SLC39A14: variants seen among roughly 807,000 people sequenced by gnomAD.
SLC39A14 encodes the protein solute carrier family 39 member 14.
A neutral mutation model predicts 45.5 loss-of-function variants in SLC39A14; 19 were observed. The observed-to-expected ratio is 0.42, with a 90% CI of 0.29 to 0.61. The LOEUF is 0.61. Ranked by LOEUF, SLC39A14 falls within the 20% of genes least tolerant of loss-of-function variation. The probability of loss-of-function intolerance (pLI) is 0.22; values close to 1 mark genes in which losing one functional copy is unlikely to be tolerated. For synonymous variants in SLC39A14, 264 were observed against 251.3 expected (o/e 1.05, Z -0.48); for missense variants, 447 against 616.5 (o/e 0.73, Z 2.91).
At chr8:22,380,409 C>A (rs1294086999) in intron 1 of SLC39A14, among the ~76,000 whole-genome samples, 1 of 152,186 alleles carries the variant, frequency 6.6e-6, no homozygotes, top group African/African-American at 2.4e-5. Context: ...AGTGTCAGGC[C>A]AGTTCCTGGG....
At chr8:22,371,268 T>G (rs993813743) in intron 1 of SLC39A14, among the ~76,000 whole-genome samples, 1 of 151,942 alleles carries the variant, frequency 6.6e-6, no homozygotes, top group African/African-American at 2.4e-5. Flanking sequence ...CCCCAGAGAA[T>G]CTTGGGGCTT....
intron 1 of SLC39A14, chr8:22,393,243 G>C: frequency 1.0e-6 from 1 of 985,788 alleles, no homozygotes; most frequent in Middle Eastern, 5.2e-4. Context: ...GTATGGAGGA[G>C]AGCAGTAGGT....
downstream of SLC39A14, among the ~76,000 whole-genome samples, chr8:22,424,092 G>T (rs975523364): frequency 3.3e-5 from 5 of 152,012 alleles, no homozygotes; most frequent in Non-Finnish European, 5.9e-5. Context: ...GGCCAAAATC[G>T]ATTAGTTTAT....
At chr8:22,393,370 T>A in intron 1 of SLC39A14, 1 of 365,650 alleles carries the variant, frequency 2.7e-6, no homozygotes, top group Non-Finnish European at 3.8e-6. Flanking sequence ...GGTGTCAGCC[T>A]AGGTCAGCTT....
Position 22,415,795 on chromosome 8 carries a change from C to T in SLC39A14, c.777C>T (p.Ala259=). ...ATCATCATGGACACAGCCATTATGC[C>T]TCTGAGTCGCTTCCCTCCAAGAAGG... ...NEHHHGHSHY[A]SESLPSKKDQ... The change falls in exon 6 of 9, where the codon GCC becomes GCT. Residue 259 remains alanine (A), a synonymous_variant. Coordinates refer to ENST00000381237, the MANE Select transcript of SLC39A14 (RefSeq NM_001128431.4). The T allele has an allele frequency of 6.2e-7, 1 of 1,613,078 alleles. No individual in the cohort carries two copies.
chr8:22,397,023 C>T (rs1206980768), intron 1 of SLC39A14, among the ~76,000 whole-genome samples: 1 of 151,936 alleles, frequency 6.6e-6, no homozygotes, highest in Non-Finnish European at 1.5e-5. Flanking sequence ...AGGAAAATTA[C>T]ACTCCTATTT....
At chr8:22,406,436 G>A (rs1175677848) in intron 2 of SLC39A14, among the ~76,000 whole-genome samples, 1 of 152,214 alleles carries the variant, frequency 6.6e-6, no homozygotes, top group Non-Finnish European at 1.5e-5. Context: ...GCTGACGCCT[G>A]TAACCCCAGC....
chr8:22,388,388 G>A (rs1833895831), intron 1 of SLC39A14, among the ~76,000 whole-genome samples: 1 of 152,198 alleles, frequency 6.6e-6, no homozygotes, highest in African/African-American at 2.4e-5. Context: ...AACGTGTAGG[G>A]ATGGAGGGGT....
rs1233306834 is a variant in SLC39A14 at position 22,375,400 on chromosome 8, T to TG, written c.-16+7998dup. Among the ~76,000 whole-genome samples, 6 of 151,826 alleles carry TG rather than the reference T, an allele frequency of 4.0e-5. No individual in the cohort carries two copies. In the South Asian group the frequency reaches 1.0e-3, roughly 26 times the overall value. On this transcript the variant is annotated intron_variant, in intron 1 of 8. Coordinates refer to ENST00000381237, the MANE Select transcript of SLC39A14 (RefSeq NM_001128431.4). ...TATTTCCTTACAGTTGTTTTTTTTT[T>TG]GGGGGGAGGGGATACAATTGGCTAT...
Position 22,408,359 on chromosome 8 carries a change from C to T in SLC39A14, c.320C>T (p.Ser107Leu), listed in dbSNP as rs1351246204. ...ACTGCCCACAATTTCAGCGAGCAGT[C>T]GCGGATTGGGAGCAGCGAGCTCCAG... Reference protein sequence around the residue: ...LFTAHNFSEQSRIGSSELQEF... With the variant: ...LFTAHNFSEQLRIGSSELQEF... Residue 107 changes from serine (S) to leucine (L), a missense_variant, in exon 3 of 9, where the codon TCG becomes TTG. Transcript: ENST00000381237. 6.2e-7 allele frequency: 1 copy of T among 1,614,188 alleles called. No individual in the cohort carries two copies.
Position 22,408,537 on chromosome 8 carries a change from G to T in SLC39A14, c.457+41G>T, listed in dbSNP as rs763327826. On this transcript the variant is annotated intron_variant, in intron 3 of 8. Transcript: ENST00000381237. ...AAGGCAGGAGCCCATCTCCCATCTC[G>T]CCCGCGTCTCACAAGGACCCCTGGG... 2.5e-6 allele frequency: 4 copies of T among 1,572,528 alleles called. No homozygotes were observed. The East Asian group carries it at 6.8e-5, about 27-fold the overall frequency.
At chr8:22,377,169 G>A (rs61102529) in intron 1 of SLC39A14, among the ~76,000 whole-genome samples, 33,337 of 151,958 alleles carry the variant, frequency 0.22, 4,440 homozygotes, top group African/African-American at 0.38. Context: ...ATTTTGTTCT[G>A]TGGGTTAAAG....
In SLC39A14 at chr8:22,373,913, C is replaced by A. The variant is rs1026774783; in HGVS notation, c.-16+6505C>A. Among the ~76,000 whole-genome samples the A allele has an allele frequency of 2.0e-5, 3 of 152,068 alleles. No individual in the cohort carries two copies. The East Asian group carries it at 5.8e-4, about 29-fold the overall frequency. On this transcript the variant is annotated intron_variant, in intron 1 of 8. Coordinates refer to ENST00000381237, the MANE Select transcript of SLC39A14 (RefSeq NM_001128431.4). Reference sequence around the variant, plus strand: ...TAGCTGGGATGCAGACACGCGCCACCACGCCCAGCTAATTTTTTGTATTTT... The same window carrying A: ...TAGCTGGGATGCAGACACGCGCCACAACGCCCAGCTAATTTTTTGTATTTT...
chr8:22,422,251 C>T lies in SLC39A14; in HGVS notation c.*2553C>T, dbSNP rs1051033046. 1 of 985,560 alleles carries T rather than the reference C, an allele frequency of 1.0e-6. No homozygotes were observed. Among genetic ancestry groups the T allele is most frequent in the Non-Finnish European group, 1.2e-6 (1 of 829,940 alleles). The allele number at this position is 985,560 out of a possible 1,614,324, so 61.1% of individuals were successfully genotyped here. On this transcript the variant is annotated 3_prime_UTR_variant, in exon 9 of 9. Coordinates refer to ENST00000381237, the MANE Select transcript of SLC39A14 (RefSeq NM_001128431.4). ...GGAAAGTGTATGTCACGTGCAGGAA[C>T]AGTGAGGCAGGGACAGGGGTTCTGC...
intron 1 of SLC39A14, chr8:22,404,462 G>GT (rs61222646): frequency 0.017 from 3,750 of 219,958 alleles, 1 homozygote; most frequent in Middle Eastern, 0.038. Context: ...ATTGCTGTTT[G>GT]TTTTTTTTTT....
At chr8:22,433,707 A>C (rs955299236) in intron 8 of SLC39A14, among the ~76,000 whole-genome samples, 2 of 151,830 alleles carry the variant, frequency 1.3e-5, no homozygotes, top group Non-Finnish European at 2.9e-5. Flanking sequence ...CCACAGGCGC[A>C]TGCCACCACA....
chr8:22,392,281 G>T (rs577342523), intron 1 of SLC39A14, among the ~76,000 whole-genome samples: 1 of 152,276 alleles, frequency 6.6e-6, no homozygotes, highest in African/African-American at 2.4e-5. Context: ...CAGCCTTTAA[G>T]CTCTGTCTTG....
chr8:22,423,428 C>T (rs376662031), downstream of SLC39A14, among the ~76,000 whole-genome samples: 21 of 151,486 alleles, frequency 1.4e-4, no homozygotes, highest in South Asian at 6.3e-4. Flanking sequence ...CTCCGCTTCC[C>T]GGGTTCACGC....
Position 22,420,859 on chromosome 8 carries a change from G to T in SLC39A14, c.*1161G>T. 1.0e-6 allele frequency: 1 copy of T among 985,536 alleles called. No homozygotes were observed. Among genetic ancestry groups the T allele is most frequent in the Non-Finnish European group, 1.2e-6 (1 of 829,928 alleles). 61.0% of individuals were successfully genotyped at this position (985,536 alleles called of 1,614,324 possible). A position where few individuals can be genotyped will look rare whatever the true frequency, so the allele number is the denominator to read the frequency against. Reference sequence around the variant, plus strand: ...TGGTTGGCCTAATGATTATGCTACAGATGGGTTTTAAATGACCCGTCTAGG... The same window carrying T: ...TGGTTGGCCTAATGATTATGCTACATATGGGTTTTAAATGACCCGTCTAGG... On this transcript the variant is annotated 3_prime_UTR_variant, in exon 9 of 9. Transcript: ENST00000381237.
Sources: allele counts gnomAD v4.1 joint callset (sites outside exome capture counted in the v4.1 genomes callset), GRCh38; gene constraint gnomAD v4.1.1; transcripts MANE v1.5; gene names NCBI Gene and HGNC (gene_info 2026-07-23, HGNC 2026-07-21).